DENND2B: variants seen among roughly 807,000 people sequenced by gnomAD.
DENND2B encodes DENN domain containing 2B, also known as DENN domain-containing protein 2B.
DENND2B carries 32 observed loss-of-function variants against 116.0 expected under a neutral mutation model. The ratio of observed to expected loss-of-function variants is 0.28; its 90% CI spans 0.21 to 0.37. DENND2B has a LOEUF of 0.37. Ranked by LOEUF, DENND2B falls within the 10% of genes least tolerant of loss-of-function variation. The pLI is 1.00. For missense variants in DENND2B, 1,276 were observed against 1,477.7 expected (o/e 0.86, Z 2.24); for synonymous variants, 588 against 583.9 (o/e 1.01, Z -0.10).
chr11:8,772,242 T>TA (rs1316914945), intron 1 of DENND2B, among the ~76,000 whole-genome samples: 2 of 152,066 alleles, frequency 1.3e-5, no homozygotes, highest in African/African-American at 4.8e-5. Context: ...ATAATACTAA[T>TA]AGTAGGGTTA....
In DENND2B at chr11:8,888,706, A is replaced by C. The variant is rs139920042; in HGVS notation, c.-255-7597T>G. Among the ~76,000 whole-genome samples the C allele has an allele frequency of 2.1e-3, 314 of 152,344 alleles. 1 individual carries two copies. The highest frequency in any genetic ancestry group is 7.1e-3 in the African/African-American group (296 of 41,582). ...GGATTAACATCCAGAATATGTAGAG[A>C]ACTCCTAAAACTCGACAACAAAAAA... On this transcript the variant is annotated intron_variant, in intron 1 of 22. Coordinates refer to the DENND2B transcript ENST00000534127.
At chr11:8,770,436 A>G (rs1392089957) in intron 1 of DENND2B, among the ~76,000 whole-genome samples, 6 of 152,208 alleles carry the variant, frequency 3.9e-5, no homozygotes, top group Non-Finnish European at 5.9e-5. Context: ...GAGACATTAT[A>G]AGGATAAATG....
At chr11:8,729,926 A>G (rs1400704518) in intron 3 of DENND2B, 24 bp downstream of exon 3, 3 of 1,610,438 alleles carry the variant, frequency 1.9e-6, no homozygotes, top group Non-Finnish European at 2.5e-6. Flanking sequence ...TTCAGCTACA[A>G]CACACCGGAG....
chr11:8,721,850 G>C (rs527818374), intron 4 of DENND2B, among the ~76,000 whole-genome samples: 67 of 152,360 alleles, frequency 4.4e-4, no homozygotes, highest in African/African-American at 1.6e-3. Flanking sequence ...TGACTGGCCC[G>C]GTCCCCGGCT....
chr11:8,712,957 G>T lies in DENND2B; in HGVS notation c.1988-222C>A, dbSNP rs2044038328. 6.6e-6 allele frequency among the ~76,000 whole-genome samples: 1 copy of T among 152,194 alleles called. No homozygotes were observed. Among genetic ancestry groups the T allele is most frequent in the Non-Finnish European group, 1.5e-5 (1 of 68,034 alleles). On this transcript the variant is annotated intron_variant, in intron 8 of 19. Coordinates refer to ENST00000313726, the MANE Select transcript of DENND2B (RefSeq NM_213618.2). This position sits in a 1 kb window ranked among gnomAD's most constrained non-coding sequence, Gnocchi z 4.4. ...GGAAGCTGCGGGCCTGGTCCTCCTG[G>T]AGCCTCTGGAGACTGAGCTGGGGCA...
intron 2 of DENND2B, among the ~76,000 whole-genome samples, chr11:8,861,218 A>G (rs1017794790): frequency 6.6e-6 from 1 of 152,228 alleles, no homozygotes; most frequent in African/African-American, 2.4e-5. Flanking sequence ...GCTTCTGCAC[A>G]GCAAAAGAAA....
intron 3 of DENND2B, among the ~76,000 whole-genome samples, chr11:8,842,812 C>T (rs537765068): frequency 7.1e-4 from 108 of 152,258 alleles, no homozygotes; most frequent in African/African-American, 2.4e-3. Context: ...AAGTGTCACA[C>T]GTGCTACCTT....
At chr11:8,811,061 G>T (rs1472539856), upstream of DENND2B, 2 of 380,882 alleles carry the variant, frequency 5.3e-6, no homozygotes, top group African/African-American at 2.1e-5. Context: ...ATCCCTGCCA[G>T]GGGGGAGGGA....
intron 1 of DENND2B, among the ~76,000 whole-genome samples, chr11:8,760,134 A>G (rs1003956555): frequency 4.6e-5 from 7 of 152,152 alleles, no homozygotes; most frequent in African/African-American, 1.7e-4. Flanking sequence ...CGACAGATCG[A>G]CGACTTGCCT....
Position 8,837,336 on chromosome 11 carries a change from A to C in DENND2B, c.-115+1974T>G, listed in dbSNP as rs186073774. On this transcript the variant is annotated intron_variant, in intron 4 of 6. Coordinates refer to the DENND2B transcript ENST00000524757. ...TCTCAGGAACACCAAGAGGACACCT[A>C]CTCAGTTGTTTCCCTTTATTTTTCT... Among the ~76,000 whole-genome samples the C allele has an allele frequency of 5.9e-3, 886 of 149,826 alleles. 6 individuals are homozygous for C. The highest frequency in any genetic ancestry group is 9.3e-3 in the Non-Finnish European group (627 of 67,268).
chr11:8,693,745 G>A lies in DENND2B; in HGVS notation c.*351C>T, dbSNP rs1279036647. On this transcript the variant is annotated 3_prime_UTR_variant, in exon 20 of 20. Transcript: ENST00000313726. Reference sequence around the variant, plus strand: ...CAGGCAGGCAGGCCGAAGGCCTCCAGGGAAGATCAGTGGTTTGGCTGAGAC... The same window carrying A: ...CAGGCAGGCAGGCCGAAGGCCTCCAAGGAAGATCAGTGGTTTGGCTGAGAC... 1 of 246,754 alleles carries A rather than the reference G, an allele frequency of 4.1e-6. No homozygotes were observed. The highest frequency in any genetic ancestry group is 7.8e-5 in the South Asian group (1 of 12,836). The allele number at this position is 246,754 out of a possible 1,614,324, so 15.3% of individuals were successfully genotyped here.
chr11:8,868,168 T>C (rs1381571468), intron 2 of DENND2B, among the ~76,000 whole-genome samples: 1 of 152,210 alleles, frequency 6.6e-6, no homozygotes, highest in Non-Finnish European at 1.5e-5. Flanking sequence ...ACTAGCTCTT[T>C]ACCCAGTGAA....
At chr11:8,725,185 G>A (rs2046875055) in intron 4 of DENND2B, among the ~76,000 whole-genome samples, 2 of 152,142 alleles carry the variant, frequency 1.3e-5, no homozygotes, top group Admixed American at 1.3e-4. Context: ...GAGGCCTCTG[G>A]GAGGTGATTA....
intron 1 of DENND2B, among the ~76,000 whole-genome samples, chr11:8,805,837 G>T (rs2060790953): frequency 6.6e-6 from 1 of 152,106 alleles, no homozygotes; most frequent in Non-Finnish European, 1.5e-5. Context: ...TTCCTCCCCA[G>T]CTCTTGGCCC....
At chr11:8,802,475 C>T (rs963646693) in intron 1 of DENND2B, among the ~76,000 whole-genome samples, 5 of 152,270 alleles carry the variant, frequency 3.3e-5, no homozygotes, top group African/African-American at 9.6e-5. Flanking sequence ...CTCAATTTTA[C>T]GGAAGAGGAA....
At chr11:8,727,684 A>C (rs2047309091) in intron 3 of DENND2B, among the ~76,000 whole-genome samples, 1 of 152,204 alleles carries the variant, frequency 6.6e-6, no homozygotes, top group Non-Finnish European at 1.5e-5. Flanking sequence ...GGCTGAGCAC[A>C]GTGGTTCGCA....
At chr11:8,795,506 G>C (rs1020797930) in intron 1 of DENND2B, among the ~76,000 whole-genome samples, 1 of 152,180 alleles carries the variant, frequency 6.6e-6, no homozygotes, top group African/African-American at 2.4e-5. Flanking sequence ...TTGGTGCACA[G>C]TCAAGTCTGA....
chr11:8,812,220 A>G (rs2061411682), upstream of DENND2B, among the ~76,000 whole-genome samples: 1 of 152,224 alleles, frequency 6.6e-6, no homozygotes, highest in African/African-American at 2.4e-5. Flanking sequence ...ATAACTGGTT[A>G]TGAGATAACG....
intron 4 of DENND2B, among the ~76,000 whole-genome samples, chr11:8,719,443 T>TA (rs1375852694): frequency 1.3e-5 from 2 of 152,146 alleles, no homozygotes; most frequent in African/African-American, 4.8e-5. Context: ...GGGACTGGAT[T>TA]AAGTGATTCC....
Sources: gnomAD v4.1 joint callset for allele counts (sites outside exome capture counted in the v4.1 genomes callset) on GRCh38, gnomAD v4.1.1 for gene constraint, Gnocchi (gnomAD v3.1) non-coding constraint, MANE v1.5 for transcripts, NCBI Gene and HGNC (gene_info 2026-07-23, HGNC 2026-07-21) for gene names.